ACSL6: variants seen among roughly 807,000 people sequenced by gnomAD.
ACSL6 encodes the protein long-chain-fatty-acid--CoA ligase 6.
A neutral mutation model predicts 98.2 loss-of-function variants in ACSL6; 47 were observed. That is an observed-to-expected ratio of 0.48 (90% CI 0.38 to 0.61). ACSL6 has a LOEUF of 0.61. Among genes scored for constraint, ACSL6 ranks in the 20% least tolerant of loss-of-function variants. The pLI is 0.00. For missense variants in ACSL6, 761 were observed against 913.4 expected, an observed-to-expected ratio of 0.83 and a Z score of 2.15; for synonymous variants, 362 against 336.9, an observed-to-expected ratio of 1.07 and a Z score of -0.82.
chr5:131,994,112 G>GA lies in ACSL6; in HGVS notation c.188_189insT (p.Ile64HisfsTer49). ...GGTGAGTGAACCAGTAGGCAAGGAT[G>GA]GCAGCCAGGGCACCCATACTCACGA... On this transcript the variant is annotated frameshift_variant, in exon 2 of 21. Coordinates refer to ENST00000651883, the MANE Select transcript of ACSL6 (RefSeq NM_001009185.3). LOFTEE classifies it high-confidence loss of function. 6.2e-7 allele frequency: 1 copy of GA among 1,614,234 alleles called. No homozygotes were observed. Among genetic ancestry groups the GA allele is most frequent in the Non-Finnish European group, 8.5e-7 (1 of 1,180,054 alleles).
chr5:132,004,447 T>C (rs1755271511), intron 1 of ACSL6, among the ~76,000 whole-genome samples: 1 of 152,140 alleles, frequency 6.6e-6, no homozygotes, highest in African/African-American at 2.4e-5. Context: ...GGAGTTGATT[T>C]TGAACCAACA....
chr5:131,963,251 C>A (rs1261280306), intron 17 of ACSL6, among the ~76,000 whole-genome samples: 5 of 152,178 alleles, frequency 3.3e-5, no homozygotes, highest in Admixed American at 1.3e-4. Context: ...CTGCAGCAGG[C>A]AGATCACCTC....
chr5:132,011,937 G>A, upstream of ACSL6: 2 of 1,552,554 alleles, frequency 1.3e-6, no homozygotes, highest in African/African-American at 1.4e-5. The surrounding 1 kb of genome is among the most constrained non-coding windows in gnomAD (Gnocchi z 5.4). Flanking sequence ...GAAACCGGCT[G>A]GAAGGGGGAG....
rs751187391 is a variant in ACSL6, at chr5:131,988,101, T to G, written c.778A>C (p.Lys260Gln). The G allele has an allele frequency of 6.2e-7, 1 of 1,614,170 alleles. No individual in the cohort carries two copies. The highest frequency in any genetic ancestry group is 1.1e-5 in the South Asian group (1 of 91,080). The stretch of plus-strand genomic sequence containing the variant: ...ACCCCGCACTTCTGCCCTCTCTCTT[T>G]CAGGGCTTCTTCGAATGGGTCCATG... ...ILMDPFEEAL[K>Q]ERGQKCGVVI... The change falls in exon 7 of 21, where the codon AAA (lysine) becomes CAA (glutamine). Residue 260 changes from lysine to glutamine, a missense_variant. Coordinates refer to ENST00000651883, the MANE Select transcript of ACSL6 (RefSeq NM_001009185.3).
chr5:132,012,178 G>A, upstream of ACSL6: 1 of 450,510 alleles, frequency 2.2e-6, no homozygotes, highest in Admixed American at 4.2e-5. Flanking sequence ...GGGAGCCTCC[G>A]GGTGCCACCT....
chr5:131,980,901 C>T (rs933187894), intron 9 of ACSL6, among the ~76,000 whole-genome samples: 1 of 152,102 alleles, frequency 6.6e-6, no homozygotes, highest in Non-Finnish European at 1.5e-5. Flanking sequence ...CACAGCGCAG[C>T]CCCCGAGGCT....
intron 1 of ACSL6, among the ~76,000 whole-genome samples, chr5:132,009,249 C>T (rs1755581382): frequency 6.6e-6 from 1 of 152,190 alleles, no homozygotes; most frequent in Non-Finnish European, 1.5e-5. Flanking sequence ...TGAGGGAAAC[C>T]CTTGCCTGGC....
intron 19 of ACSL6, among the ~76,000 whole-genome samples, chr5:131,960,235 T>G (rs930070014): frequency 6.6e-6 from 1 of 151,946 alleles, no homozygotes; most frequent in Admixed American, 6.6e-5. Flanking sequence ...GTTACCCCCC[T>G]CCCTGGACTC....
At chr5:131,955,042 A>G (rs926414586) in intron 20 of ACSL6, among the ~76,000 whole-genome samples, 20 of 152,216 alleles carry the variant, frequency 1.3e-4, no homozygotes, top group African/African-American at 4.6e-4. Context: ...CAATAGTAAG[A>G]TACTGAAGGT....
chr5:131,966,282 C>T lies in ACSL6; in HGVS notation c.1713+134G>A. ...GGGGCTCAGGGAAGGAAGAGCCTCC[C>T]CCCAGGCCCCAGAGGTGCTCCTGAA... is the stretch of plus-strand genomic sequence containing the variant. On this transcript the variant is annotated intron_variant, in intron 17 of 20. Coordinates refer to ENST00000651883, the MANE Select transcript of ACSL6 (RefSeq NM_001009185.3). 6.2e-6 allele frequency: 5 copies of T among 801,386 alleles called. No individual in the cohort carries two copies. The South Asian group carries it at 6.3e-5, about 10-fold the overall frequency. The allele number at this position is 801,386 out of a possible 1,614,324, so 49.6% of individuals were successfully genotyped here. A position where few individuals can be genotyped will look rare whatever the true frequency, so the allele number is the denominator to read the frequency against.
chr5:132,010,853 CG>C, intron 1 of ACSL6, among the ~76,000 whole-genome samples: 1 of 152,056 alleles, frequency 6.6e-6, no homozygotes, highest in Non-Finnish European at 1.5e-5. Flanking sequence ...AGCGCGGAGG[CG>C]GGATCGAGCA....
chr5:132,011,660 C>T (rs1755741558), upstream of ACSL6: 2 of 1,262,098 alleles, frequency 1.6e-6, no homozygotes, highest in East Asian at 6.4e-5. The surrounding 1 kb of genome is among the most constrained non-coding windows in gnomAD (Gnocchi z 5.4). Context: ...GCCGCCGCTG[C>T]CGGGTATTTT....
chr5:132,011,450 A>C lies in ACSL6; in HGVS notation c.49+55T>G. 6.4e-7 allele frequency: 1 copy of C among 1,572,850 alleles called. No homozygotes were observed. Among genetic ancestry groups the C allele is most frequent in the Non-Finnish European group, 8.7e-7 (1 of 1,145,008 alleles). On this transcript the variant is annotated intron_variant, in intron 1 of 20. Coordinates refer to ENST00000651883, the MANE Select transcript of ACSL6 (RefSeq NM_001009185.3). The surrounding 1 kb of genome is among the most constrained non-coding windows in gnomAD (Gnocchi z 5.4). Reference sequence around the variant, plus strand: ...TGTAACACCTCCACCTCGGGCGAAGACCTCATAGCCTGCGGGAGATGGGAG... The same window carrying C: ...TGTAACACCTCCACCTCGGGCGAAGCCCTCATAGCCTGCGGGAGATGGGAG...
rs1755700765 is a variant in ACSL6, at chr5:132,011,092, C to T, written c.49+413G>A. ...GCCTAGGTCAGTCCGGGTTACATAGCTGACCTGCTGTGGGACCTCGGGGAC... is the reference window on the plus strand; with the variant it reads ...GCCTAGGTCAGTCCGGGTTACATAGTTGACCTGCTGTGGGACCTCGGGGAC... On this transcript the variant is annotated intron_variant, in intron 1 of 20. Coordinates refer to ENST00000651883, the MANE Select transcript of ACSL6 (RefSeq NM_001009185.3). The surrounding 1 kb of genome is among the most constrained non-coding windows in gnomAD (Gnocchi z 5.4). Among the ~76,000 whole-genome samples the T allele has an allele frequency of 6.6e-6, 1 of 152,174 alleles. No homozygotes were observed.
chr5:131,989,515 A>ACAG lies in ACSL6; in HGVS notation c.451-10_451-8dup. On this transcript the variant is annotated splice_region_variant and splice_polypyrimidine_tract_variant and intron_variant, in intron 4 of 20. Coordinates refer to ENST00000651883, the MANE Select transcript of ACSL6 (RefSeq NM_001009185.3). ...ATTCAGCCCTGTCGGCCACCTGCAC[A>ACAG]CAGATGTGGGGAAGTGATGGGAAAA... 6.2e-7 allele frequency: 1 copy of ACAG among 1,604,646 alleles called. No homozygotes were observed. Among genetic ancestry groups the ACAG allele is most frequent in the South Asian group, 1.1e-5 (1 of 90,876 alleles).
Position 131,974,948 on chromosome 5 carries a change from T to TCCTGTCTC in ACSL6, c.1005_1012dup (p.Asp338GlyfsTer20). 6.2e-7 allele frequency: 1 copy of TCCTGTCTC among 1,613,934 alleles called. No homozygotes were observed. The highest frequency in any genetic ancestry group is 8.5e-7 in the Non-Finnish European group (1 of 1,179,976). On this transcript the variant is annotated frameshift_variant, in exon 11 of 21. Coordinates refer to ENST00000651883, the MANE Select transcript of ACSL6 (RefSeq NM_001009185.3). LOFTEE classifies it high-confidence loss of function. Reference sequence around the variant, plus strand: ...AGGCAGGAAGGAGATGAGCACATCGTCCTGTCTCGGAAAGATCACTTTCTG... The same window carrying TCCTGTCTC: ...AGGCAGGAAGGAGATGAGCACATCGTCCTGTCTCCCTGTCTCGGAAAGATCACTTTCTG...
intron 1 of ACSL6, among the ~76,000 whole-genome samples, chr5:132,004,219 CTTT>C (rs1038116980): frequency 1.4e-5 from 2 of 138,952 alleles, no homozygotes; most frequent in Non-Finnish European, 3.2e-5. Flanking sequence ...GGCTTCTATC[CTTT>C]TTTTTTTTTT....
At chr5:131,986,920 GTC>G (rs1754221452) in intron 7 of ACSL6, 66 bp from the exon 8 acceptor site, 1 of 1,559,048 alleles carries the variant, frequency 6.4e-7, no homozygotes, top group African/African-American at 1.4e-5. Context: ...CTGTCCCTCT[GTC>G]TCTGTCTCTT....
chr5:131,973,260 A>T lies in ACSL6; in HGVS notation c.1203+6T>A. ...AGCCTGGCTGAAGACTCCCTGCAGAACTTACCTTGTCGTACATCCGGTTCA... is the reference window on the plus strand; with the variant it reads ...AGCCTGGCTGAAGACTCCCTGCAGATCTTACCTTGTCGTACATCCGGTTCA... On this transcript the variant is annotated splice_donor_region_variant and intron_variant, in intron 12 of 20. Transcript: ENST00000651883. 1 of 1,613,898 alleles carries T rather than the reference A, an allele frequency of 6.2e-7. No homozygotes were observed. The highest frequency in any genetic ancestry group is 8.5e-7 in the Non-Finnish European group (1 of 1,179,858).
Sources: gnomAD v4.1 joint callset for allele counts (sites outside exome capture counted in the v4.1 genomes callset) on GRCh38, gnomAD v4.1.1 for gene constraint, Gnocchi (gnomAD v3.1) non-coding constraint, MANE v1.5 for transcripts, NCBI Gene and HGNC (gene_info 2026-07-23, HGNC 2026-07-21) for gene names.